Variants in KLHL38 observed in about 807,000 individuals in gnomAD.
KLHL38 encodes the protein kelch like family member 38.
In KLHL38, 38 loss-of-function variants were observed where a neutral mutation model predicts 39.6. That is an observed-to-expected ratio of 0.96 (90% CI 0.74 to 1.26). The LOEUF (loss-of-function observed/expected upper bound fraction) is 1.26, where lower values mean the gene tolerates loss of function less well. Among genes scored for constraint, KLHL38 ranks in the 50% most tolerant of loss-of-function variants. The probability of loss-of-function intolerance (pLI) is 0.00; values close to 1 mark genes in which losing one functional copy is unlikely to be tolerated. For missense variants in KLHL38, 803 were observed against 748.1 expected, an observed-to-expected ratio of 1.07 and a Z score of -0.86; for synonymous variants, 322 against 302.2, an observed-to-expected ratio of 1.07 and a Z score of -0.68.
rs370127699 is a variant in KLHL38, at chr8:123,644,889, C to A, written c.*850G>T. Among the ~76,000 whole-genome samples, 2 of 152,266 alleles carry A rather than the reference C, an allele frequency of 1.3e-5. No individual in the cohort carries two copies. The highest frequency in any genetic ancestry group is 2.4e-5 in the African/African-American group (1 of 41,546). On this transcript the variant is annotated 3_prime_UTR_variant, in exon 4 of 4. Coordinates refer to ENST00000684634, the MANE Select transcript of KLHL38 (RefSeq NM_001081675.3). ...TTTAGGTTTAATATATGGATAATGG[C>A]AAAGTTCTCTCCTGAAGATATAAAG...
At chr8:123,647,497 C>G (rs191187058) in intron 2 of KLHL38, among the ~76,000 whole-genome samples, 2 of 152,168 alleles carry the variant, frequency 1.3e-5, no homozygotes, top group South Asian at 4.1e-4. Flanking sequence ...AAAGTCATTA[C>G]AGTCCTAGAA....
intron 3 of KLHL38, 28 bp downstream of exon 3, chr8:123,646,881 C>T (rs1122389): frequency 0.23 from 348,763 of 1,492,674 alleles, 42,954 homozygotes; most frequent in Non-Finnish European, 0.26. Context: ...GTTTGTGTCA[C>T]GCCCAGTGAT....
Position 123,652,819 on chromosome 8 carries a change from C to T in KLHL38, c.108G>A (p.Val36=). 6.2e-7 allele frequency: 1 copy of T among 1,613,166 alleles called. No individual in the cohort carries two copies. The highest frequency in any genetic ancestry group is 8.5e-7 in the Non-Finnish European group (1 of 1,180,020). The part of the protein sequence containing the change: ...SLRQSRILTD[V]SICAGAREIP... ...TCTCCCGGGCACCGGCACAGATGCT[C>T]ACATCAGTCAGGATCCTGCTTTGCC... The change falls in exon 2 of 4, where the codon GTG becomes GTA. Residue 36 remains valine, a synonymous_variant. Coordinates refer to ENST00000684634, the MANE Select transcript of KLHL38 (RefSeq NM_001081675.3).
chr8:123,645,644 C>G lies in KLHL38; in HGVS notation c.*95G>C. 6 of 1,393,144 alleles carry G rather than the reference C, an allele frequency of 4.3e-6. No homozygotes were observed. Among genetic ancestry groups the G allele is most frequent in the Non-Finnish European group, 6.0e-6 (6 of 1,008,018 alleles). The allele number at this position is 1,393,144 out of a possible 1,614,324, so 86.3% of individuals were successfully genotyped here. ...CTGGTACCTCAGTCTTGTGAGCTCTCCCTGCAGCCTTTAAGGGTTAAGCCC... is the reference window on the plus strand; with the variant it reads ...CTGGTACCTCAGTCTTGTGAGCTCTGCCTGCAGCCTTTAAGGGTTAAGCCC... On this transcript the variant is annotated 3_prime_UTR_variant, in exon 4 of 4. Transcript: ENST00000684634.
chr8:123,649,237 A>G (rs1424617274), intron 2 of KLHL38, among the ~76,000 whole-genome samples: 1 of 152,126 alleles, frequency 6.6e-6, no homozygotes, highest in East Asian at 1.9e-4. Flanking sequence ...CCAGCTTGAC[A>G]TGGAAGCACT....
chr8:123,650,706 T>A (rs1812627920), intron 2 of KLHL38, among the ~76,000 whole-genome samples: 1 of 152,180 alleles, frequency 6.6e-6, no homozygotes, highest in African/African-American at 2.4e-5. Flanking sequence ...CTCAGACAGC[T>A]TGTTAGTGAA....
At chr8:123,647,048 T>C (rs772775962) in intron 2 of KLHL38, 34 bp from the exon 3 acceptor site, 1 of 1,164,782 alleles carries the variant, frequency 8.6e-7, no homozygotes, top group South Asian at 1.3e-5. Flanking sequence ...CACTGCATTT[T>C]AAAGTGAAAT....
chr8:123,645,815 C>T lies in KLHL38; in HGVS notation c.1670G>A (p.Gly557Glu). Residue 557 changes from glycine (G) to glutamate (E), a missense_variant, in exon 4 of 4, where the codon GGA (glycine) becomes GAA (glutamate). By Grantham distance (98) the Gly-to-Glu change is moderately conservative. Transcript: ENST00000684634. The stretch of plus-strand genomic sequence containing the variant: ...GTCAAAGAGCTTGTGCGGCAGCTGT[C>T]CCTGGGATGTCCAGGTGTCCGTCTC... ...DPETDTWTSQ[G>E]QLPHKLFDHA... The T allele has an allele frequency of 6.2e-7, 1 of 1,613,698 alleles. No homozygotes were observed. Among genetic ancestry groups the T allele is most frequent in the Non-Finnish European group, 8.5e-7 (1 of 1,179,940 alleles).
intron 3 of KLHL38, among the ~76,000 whole-genome samples, chr8:123,646,371 G>C (rs1282506458): frequency 6.6e-6 from 1 of 152,196 alleles, no homozygotes; most frequent in Non-Finnish European, 1.5e-5. Flanking sequence ...TGGAAACTCA[G>C]AAGTGGGTTC....
Position 123,652,243 on chromosome 8 carries a change from G to T in KLHL38, c.684C>A (p.His228Gln). The change falls in exon 2 of 4, where the codon CAC becomes CAA. Residue 228 changes from histidine to glutamine, a missense_variant. Physicochemically the swap from His to Gln is conservative, Grantham distance 24 (BLOSUM62 0). Coordinates refer to ENST00000684634, the MANE Select transcript of KLHL38 (RefSeq NM_001081675.3). Reference sequence around the variant, plus strand: ...CGATGAAGTGGTGAAAGAAGGCTGGGTGGATGTACTGCAGCCTGACCTGCT... The same window carrying T: ...CGATGAAGTGGTGAAAGAAGGCTGGTTGGATGTACTGCAGCCTGACCTGCT... ...LFKQVRLQYI[H>Q]PAFFHHFIAN... The T allele has an allele frequency of 6.2e-7, 1 of 1,614,162 alleles. No individual in the cohort carries two copies. The highest frequency in any genetic ancestry group is 8.5e-7 in the Non-Finnish European group (1 of 1,180,036).
intron 3 of KLHL38, among the ~76,000 whole-genome samples, 180 bp downstream of exon 3, chr8:123,646,729 A>G (rs1818670063): frequency 6.6e-6 from 1 of 152,232 alleles, no homozygotes; most frequent in Non-Finnish European, 1.5e-5. Flanking sequence ...TTACAGATAA[A>G]GACAGGGAAA....
rs1563594099 is a variant in KLHL38, at chr8:123,652,553, G to A, written c.374C>T (p.Ser125Leu). Residue 125 changes from serine to leucine, a missense_variant, in exon 2 of 4, where the codon TCG (serine) becomes TTG (leucine). Coordinates refer to ENST00000684634, the MANE Select transcript of KLHL38 (RefSeq NM_001081675.3). ...QFPKLFEACS[S>L]YLQSQLAPSN... The stretch of plus-strand genomic sequence containing the variant: ...GGGGGCCAACTGGCTCTGCAAGTAC[G>A]AGGAGCAGGCCTCAAACAGCTTGGG... The A allele has an allele frequency of 6.2e-7, 1 of 1,614,194 alleles. No homozygotes were observed. The highest frequency in any genetic ancestry group is 2.2e-5 in the East Asian group (1 of 44,868).
chr8:123,647,634 T>C (rs182977050), intron 2 of KLHL38, among the ~76,000 whole-genome samples: 1 of 152,292 alleles, frequency 6.6e-6, no homozygotes, highest in Admixed American at 6.5e-5. Flanking sequence ...CAGTTTTAAA[T>C]CTGAATATCA....
At position 123,652,091 on chromosome 8, in the gene KLHL38, C is replaced by T; in HGVS notation, c.836G>A (p.Arg279Lys). 6.2e-7 allele frequency: 1 copy of T among 1,614,202 alleles called. No individual in the cohort carries two copies. The highest frequency in any genetic ancestry group is 8.5e-7 in the Non-Finnish European group (1 of 1,180,040). Residue 279 changes from arginine (R) to lysine (K), a missense_variant, in exon 2 of 4, where the codon AGA (arginine) becomes AAA (lysine). Transcript: ENST00000684634. ...DCKLLLHVPP[R>K]NSYQDFLILL... ...GATGAGGAAATCTTGGTAAGAGTTT[C>T]TTGGAGGGACATGCAACAGGAGTTT...
rs1035607012 is a variant in KLHL38 at position 123,647,104 on chromosome 8, A to C, written c.1351-90T>G. 10 of 736,120 alleles carry C rather than the reference A, an allele frequency of 1.4e-5. No individual in the cohort carries two copies. In the Admixed American group the frequency reaches 1.9e-4, roughly 14 times the overall value. The allele number at this position is 736,120 out of a possible 1,614,324, so 45.6% of individuals were successfully genotyped here. On this transcript the variant is annotated intron_variant, in intron 2 of 3. Transcript: ENST00000684634. ...GTAGTAATTACGAGGGTGAACTAGG[A>C]GTGAGATTTTTCTGTCTGCTTTTTT... is the stretch of plus-strand genomic sequence containing the variant.
chr8:123,648,376 G>C (rs968901050), intron 2 of KLHL38, among the ~76,000 whole-genome samples: 2 of 152,192 alleles, frequency 1.3e-5, no homozygotes, highest in African/African-American at 4.8e-5. Flanking sequence ...TGAGACTGGA[G>C]ACCTCGTGAG....
chr8:123,652,322 A>G lies in KLHL38; in HGVS notation c.605T>C (p.Val202Ala). The G allele has an allele frequency of 6.2e-7, 1 of 1,613,764 alleles. No individual in the cohort carries two copies. Among genetic ancestry groups the G allele is most frequent in the Non-Finnish European group, 8.5e-7 (1 of 1,179,986 alleles). Residue 202 changes from valine (V) to alanine (A), a missense_variant, in exon 2 of 4, where the codon GTT (valine) becomes GCT (alanine). Val to Ala is a moderately conservative substitution (Grantham distance 64). Transcript: ENST00000684634. ...EEEKVFEALM[V>A]WIKHDLQARK... is the part of the protein sequence containing the mutation. ...GGCCTGGAGGTCATGCTTGATCCAAACCATGAGGGCCTCAAACACCTTTTC... is the reference window on the plus strand; with the variant it reads ...GGCCTGGAGGTCATGCTTGATCCAAGCCATGAGGGCCTCAAACACCTTTTC...
rs1818646622 is a variant in KLHL38 at position 123,645,508 on chromosome 8, GAA to G, written c.*229_*230del. ...GACAGAGATAGGGGAGAGAAAGAAA[GAA>G]GGGGGAAAGACAGAGACAGATGGAG... On this transcript the variant is annotated 3_prime_UTR_variant, in exon 4 of 4. Coordinates refer to ENST00000684634, the MANE Select transcript of KLHL38 (RefSeq NM_001081675.3). 2 of 559,590 alleles carry G rather than the reference GAA, an allele frequency of 3.6e-6. No individual in the cohort carries two copies. Among genetic ancestry groups the G allele is most frequent in the Non-Finnish European group, 6.3e-6 (2 of 315,188 alleles). The allele number at this position is 559,590 out of a possible 1,614,324, so 34.7% of individuals were successfully genotyped here. A position where few individuals can be genotyped will look rare whatever the true frequency, so the allele number is the denominator to read the frequency against.
At chr8:123,647,316 T>C (rs1818680349) in intron 2 of KLHL38, among the ~76,000 whole-genome samples, 1 of 152,202 alleles carries the variant, frequency 6.6e-6, no homozygotes, top group Admixed American at 6.5e-5. Context: ...TGTTTTTCTT[T>C]TAATGAGAAA....
Sources: allele counts gnomAD v4.1 joint callset (sites outside exome capture counted in the v4.1 genomes callset), GRCh38; gene constraint gnomAD v4.1.1; transcripts MANE v1.5; gene names NCBI Gene and HGNC (gene_info 2026-07-23, HGNC 2026-07-21).